The following PTPN12 variants were observed in gnomAD, a reference collection of about 807,000 sequenced individuals.
PTPN12 encodes protein tyrosine phosphatase non-receptor type 12, also known as tyrosine-protein phosphatase non-receptor type 12.
In PTPN12, 29 loss-of-function variants were observed where a neutral mutation model predicts 97.6. The observed-to-expected ratio is 0.30, with a 90% CI of 0.22 to 0.41. PTPN12 has a LOEUF of 0.41. PTPN12 is among the 10% of genes least tolerant of loss of function. The pLI, the probability that PTPN12 is intolerant of heterozygous loss-of-function variation, is 1.00. For synonymous variants in PTPN12, 327 were observed against 300.4 expected, an observed-to-expected ratio of 1.09 and a Z score of -0.91; for missense variants, 819 against 926.0, an observed-to-expected ratio of 0.88 and a Z score of 1.50.
At chr7:77,625,382 G>A (rs1789099041) in intron 12 of PTPN12, among the ~76,000 whole-genome samples, 1 of 148,384 alleles carries the variant, frequency 6.7e-6, no homozygotes, top group African/African-American at 2.5e-5. Context: ...CTTCCTAGTA[G>A]CTGGGACTAC....
At chr7:77,638,532 T>C (rs1789685317) in intron 16 of PTPN12, 92 bp from the exon 17 acceptor site, 17 of 1,355,336 alleles carry the variant, frequency 1.3e-5, no homozygotes, top group Non-Finnish European at 1.4e-5. Flanking sequence ...TTTTCTCTTT[T>C]CATGCTTGCC....
At chr7:77,539,627 TG>T (rs1806853872) in intron 1 of PTPN12, among the ~76,000 whole-genome samples, 1 of 152,060 alleles carries the variant, frequency 6.6e-6, no homozygotes, top group Non-Finnish European at 1.5e-5. Context: ...GTTGGTTGGT[TG>T]GTTTTTTTTT....
chr7:77,546,077 G>A (rs1311596799), intron 1 of PTPN12, among the ~76,000 whole-genome samples: 6 of 152,182 alleles, frequency 3.9e-5, no homozygotes, highest in Admixed American at 6.5e-5. Flanking sequence ...GATTACGGGC[G>A]CCCGTGACCA....
chr7:77,565,338 A>C (rs1808215392), intron 1 of PTPN12, among the ~76,000 whole-genome samples: 1 of 152,246 alleles, frequency 6.6e-6, no homozygotes, highest in African/African-American at 2.4e-5. Flanking sequence ...TCTTCAGTGA[A>C]TATGAAGACA....
intron 4 of PTPN12, 45 bp downstream of exon 4, chr7:77,583,695 TAATA>T (rs1484436752): frequency 8.2e-7 from 1 of 1,225,406 alleles, no homozygotes. Flanking sequence ...AATACTTATG[TAATA>T]ACATAGGCTA....
At position 77,603,182 on chromosome 7, in the gene PTPN12, AAT is replaced by A. The variant is rs1262459483; in HGVS notation, c.695+2379_695+2380del. 8.5e-5 allele frequency among the ~76,000 whole-genome samples: 13 copies of A among 152,312 alleles called. No individual in the cohort carries two copies. In the East Asian group the frequency reaches 2.5e-3, roughly 29 times the overall value. ...TAGGATTGACCAGTTAAAAATAAAC[AAT>A]ATGTTTAATTATAGAATTAAAAGAT... On this transcript the variant is annotated intron_variant, in intron 8 of 17. Transcript: ENST00000248594.
chr7:77,634,158 C>T (rs1217432499), intron 14 of PTPN12, among the ~76,000 whole-genome samples: 3 of 145,396 alleles, frequency 2.1e-5, no homozygotes, highest in Non-Finnish European at 4.5e-5. Flanking sequence ...CATGATCGCA[C>T]CACTGTACTC....
chr7:77,637,284 A>T (rs1434110891), intron 16 of PTPN12, among the ~76,000 whole-genome samples: 2 of 152,168 alleles, frequency 1.3e-5, no homozygotes, highest in Admixed American at 6.5e-5. Context: ...ATTACAGGCT[A>T]ATGGGAAAGA....
intron 1 of PTPN12, among the ~76,000 whole-genome samples, chr7:77,564,758 T>TTTTTG (rs1584115297): frequency 1.0e-5 from 1 of 97,802 alleles, no homozygotes; most frequent in African/African-American, 3.9e-5. Flanking sequence ...TTTTTTTTTT[T>TTTTTG]TTTTTTTTTT....
At chr7:77,600,105 G>T (rs891547987) in intron 7 of PTPN12, among the ~76,000 whole-genome samples, 1 of 152,156 alleles carries the variant, frequency 6.6e-6, no homozygotes, top group Non-Finnish European at 1.5e-5. Context: ...AGGGGAGGGG[G>T]TACCCAGACC....
chr7:77,563,630 T>C (rs1282220951), intron 1 of PTPN12, among the ~76,000 whole-genome samples: 1 of 152,214 alleles, frequency 6.6e-6, no homozygotes, highest in Non-Finnish European at 1.5e-5. Flanking sequence ...AATCATTTTA[T>C]TACTCCAAGA....
At position 77,592,160 on chromosome 7, in the gene PTPN12, ACTAATTTTTTT is replaced by A; in HGVS notation, c.421-24_421-14del. The A allele has an allele frequency of 5.1e-6, 8 of 1,553,730 alleles. No homozygotes were observed. The highest frequency in any genetic ancestry group is 7.0e-6 in the Non-Finnish European group (8 of 1,138,340). On this transcript the variant is annotated splice_polypyrimidine_tract_variant and intron_variant, in intron 5 of 17. Transcript: ENST00000248594. ...TAAGAAAAACTTACATGAATTACTT[ACTAATTTTTTT>A]TTTTGGATGACAGAAAAAATGTGAG...
intron 12 of PTPN12, among the ~76,000 whole-genome samples, chr7:77,625,346 G>T (rs1326574479): frequency 6.6e-6 from 1 of 150,384 alleles, no homozygotes; most frequent in East Asian, 2.0e-4. Flanking sequence ...GACCTCCCCA[G>T]GCTCAGGTGA....
At chr7:77,554,456 C>G (rs1430033361) in intron 1 of PTPN12, among the ~76,000 whole-genome samples, 2 of 152,202 alleles carry the variant, frequency 1.3e-5, no homozygotes, top group Non-Finnish European at 2.9e-5. Flanking sequence ...CATACACACA[C>G]AAGCATATAT....
At chr7:77,579,991 A>G (rs1787461707) in intron 2 of PTPN12, among the ~76,000 whole-genome samples, 1 of 152,368 alleles carries the variant, frequency 6.6e-6, no homozygotes, top group South Asian at 2.1e-4. Context: ...TTTAGAAGGC[A>G]AGTAGCAATT....
chr7:77,601,553 T>C (rs1251299215), intron 8 of PTPN12, among the ~76,000 whole-genome samples: 1 of 152,112 alleles, frequency 6.6e-6, no homozygotes, highest in Non-Finnish European at 1.5e-5. Flanking sequence ...GTAGGTCTTA[T>C]TGATCTAAGA....
intron 1 of PTPN12, chr7:77,537,970 G>T: frequency 2.4e-6 from 2 of 850,740 alleles, no homozygotes; most frequent in Non-Finnish European, 2.7e-6. Flanking sequence ...GGCAAGTGAG[G>T]TGCAGGCCGG....
chr7:77,622,819 A>G (rs1788988983), intron 12 of PTPN12, among the ~76,000 whole-genome samples: 2 of 152,072 alleles, frequency 1.3e-5, no homozygotes, highest in South Asian at 2.1e-4. Context: ...TTAAAAATTA[A>G]GCAGAAGTTT....
At chr7:77,599,097 A>G (rs566919028) in intron 7 of PTPN12, among the ~76,000 whole-genome samples, 21 of 151,824 alleles carry the variant, frequency 1.4e-4, no homozygotes, top group African/African-American at 4.6e-4. Context: ...AAAAAGTAAT[A>G]TTAATTATAA....
Sources: allele counts gnomAD v4.1 joint callset (sites outside exome capture counted in the v4.1 genomes callset), GRCh38; gene constraint gnomAD v4.1.1; transcripts MANE v1.5; gene names NCBI Gene and HGNC (gene_info 2026-07-23, HGNC 2026-07-21).